The following ACTR2 variants were observed in gnomAD, a reference collection of about 807,000 sequenced individuals.
ACTR2 encodes the protein actin-related protein 2.
A neutral mutation model predicts 50.2 loss-of-function variants in ACTR2; 5 were observed. The ratio of observed to expected loss-of-function variants is 0.10; its 90% confidence interval spans 0.05 to 0.21. ACTR2 has a LOEUF of 0.21. Among genes scored for constraint, ACTR2 ranks in the 10% least tolerant of loss-of-function variants. The probability of loss-of-function intolerance (pLI) is 1.00; values close to 1 mark genes in which losing one functional copy is unlikely to be tolerated. For missense variants in ACTR2, 180 were observed against 480.6 expected (o/e 0.37, Z 5.85); for synonymous variants, 140 against 162.9 (o/e 0.86, Z 1.07).
chr2:65,256,876 A>T (rs899460005), intron 6 of ACTR2, among the ~76,000 whole-genome samples: 6 of 5,416 alleles, frequency 1.1e-3, no homozygotes, highest in African/African-American at 3.4e-3. Flanking sequence ...CATGTCGGTA[A>T]AAAAAAAAAA....
Position 65,258,996 on chromosome 2 carries a change from G to GT in ACTR2, c.736-2248dup, listed in dbSNP as rs1397533286. On this transcript the variant is annotated intron_variant, in intron 6 of 8. Transcript: ENST00000260641. ...TTTTTTCTTTCTGTTTTGAGACAGG[G>GT]TTTCCTCACTCTGTTGCTCAGGCTG... Among the ~76,000 whole-genome samples, 3 of 151,868 alleles carry GT rather than the reference G, an allele frequency of 2.0e-5. No individual in the cohort carries two copies. The East Asian group carries it at 5.8e-4, about 29-fold the overall frequency.
At chr2:65,261,137 G>C in intron 6 of ACTR2, 110 bp from the exon 7 acceptor site, 1 of 1,013,514 alleles carries the variant, frequency 9.9e-7, no homozygotes, top group Non-Finnish European at 1.4e-6. Flanking sequence ...ATTGTTGTTG[G>C]TAATGATTTT....
At chr2:65,260,007 A>G (rs1216413748) in intron 6 of ACTR2, among the ~76,000 whole-genome samples, 1 of 152,234 alleles carries the variant, frequency 6.6e-6, no homozygotes, top group Non-Finnish European at 1.5e-5. Context: ...AATTATATTT[A>G]TCAGTTACTT....
At chr2:65,268,044 A>G (rs983360270) in intron 8 of ACTR2, among the ~76,000 whole-genome samples, 5 of 151,548 alleles carry the variant, frequency 3.3e-5, no homozygotes, top group Admixed American at 2.6e-4. Flanking sequence ...TCACTGTGTT[A>G]GCCAGGATGG....
chr2:65,228,885 C>T (rs375181395), intron 1 of ACTR2, among the ~76,000 whole-genome samples: 1 of 152,108 alleles, frequency 6.6e-6, no homozygotes, highest in African/African-American at 2.4e-5. Flanking sequence ...TCGAGACCAG[C>T]CCAGCCAACG....
At chr2:65,231,987 G>A (rs1192623379) in intron 1 of ACTR2, among the ~76,000 whole-genome samples, 1 of 152,246 alleles carries the variant, frequency 6.6e-6, no homozygotes, top group African/African-American at 2.4e-5. Context: ...CATGACCAAT[G>A]TTGGTCCCGC....
In ACTR2 at chr2:65,227,846, GA is replaced by G; in HGVS notation, c.-60del. 6.8e-7 allele frequency: 1 copy of G among 1,472,276 alleles called. No homozygotes were observed. The highest frequency in any genetic ancestry group is 9.0e-7 in the Non-Finnish European group (1 of 1,108,658). The allele number at this position is 1,472,276 out of a possible 1,614,324, so 91.2% of individuals were successfully genotyped here. The stretch of plus-strand genomic sequence containing the variant: ...CCGGGAAGACGCAAGAGGAAGAAGA[GA>G]AAACGGCCGGGCGGCGGTGGCTGTA... On this transcript the variant is annotated 5_prime_UTR_variant, in exon 1 of 9. Transcript: ENST00000260641.
intron 8 of ACTR2, among the ~76,000 whole-genome samples, chr2:65,268,302 A>G (rs1672423481): frequency 6.6e-6 from 1 of 152,122 alleles, no homozygotes; most frequent in Non-Finnish European, 1.5e-5. Flanking sequence ...CAAGAATGGA[A>G]AGGGTGGTAT....
intron 7 of ACTR2, among the ~76,000 whole-genome samples, chr2:65,263,003 C>A (rs1033109621): frequency 4.9e-5 from 7 of 143,032 alleles, no homozygotes; most frequent in East Asian, 2.2e-4. Context: ...AAAAAAAAAA[C>A]ATATATATAT....
rs897734106 is a variant in ACTR2, at chr2:65,255,705, C to T, written c.735+11C>T. On this transcript the variant is annotated intron_variant, in intron 6 of 8. Transcript: ENST00000260641. ...GTTGAATCTTATACAGTAAGTGTTTCCAGTGTATAATATATATGTGTTTTA... is the reference window on the plus strand; with the variant it reads ...GTTGAATCTTATACAGTAAGTGTTTTCAGTGTATAATATATATGTGTTTTA... The T allele has an allele frequency of 3.7e-6, 6 of 1,609,806 alleles. No homozygotes were observed. The South Asian group carries it at 6.6e-5, about 18-fold the overall frequency.
In ACTR2 at chr2:65,253,784, G is replaced by A. The variant is rs1672097825; in HGVS notation, c.505G>A (p.Val169Ile). 1 of 1,613,838 alleles carries A rather than the reference G, an allele frequency of 6.2e-7. No individual in the cohort carries two copies. Among genetic ancestry groups the A allele is most frequent in the Non-Finnish European group, 8.5e-7 (1 of 1,179,824 alleles). The change falls in exon 5 of 9, where the codon GTA (valine) becomes ATA (isoleucine). Residue 169 changes from valine (V) to isoleucine (I), a missense_variant. By Grantham distance (29) the Val-to-Ile change is conservative. Transcript: ENST00000260641. Reference protein sequence around the residue: ...SGDGVTHICPVYEGFSLPHLT... With the variant: ...SGDGVTHICPIYEGFSLPHLT... ...AGATGGTGTGACTCACATTTGCCCA[G>A]TATATGAAGGCTTTTCTCTCCCTCA... is the stretch of plus-strand genomic sequence containing the variant.
At chr2:65,252,701 G>T (rs912828204) in intron 4 of ACTR2, among the ~76,000 whole-genome samples, 1 of 152,126 alleles carries the variant, frequency 6.6e-6, no homozygotes, top group Non-Finnish European at 1.5e-5. Flanking sequence ...AGGTATGGTG[G>T]CTCATGGCTG....
In ACTR2 at chr2:65,261,335, G is replaced by A; in HGVS notation, c.824G>A (p.Gly275Glu). The change falls in exon 7 of 9, where the codon GGA becomes GAA. Residue 275 changes from glycine to glutamate, a missense_variant. Transcript: ENST00000260641. ...CAGCCTCACTTGATCAATGTTGAAGGAGTTGGTGTTGCTGAATTGCTTTTT... is the reference window on the plus strand; with the variant it reads ...CAGCCTCACTTGATCAATGTTGAAGAAGTTGGTGTTGCTGAATTGCTTTTT... ...LFQPHLINVE[G>E]VGVAELLFNT... 6.2e-7 allele frequency: 1 copy of A among 1,614,080 alleles called. No homozygotes were observed. Among genetic ancestry groups the A allele is most frequent in the Non-Finnish European group, 8.5e-7 (1 of 1,179,996 alleles).
At chr2:65,250,646 T>A (rs1484664157) in intron 3 of ACTR2, among the ~76,000 whole-genome samples, 1 of 141,568 alleles carries the variant, frequency 7.1e-6, no homozygotes, top group Non-Finnish European at 1.5e-5. Context: ...GCACTCCAGC[T>A]TGGGCAACAG....
intron 1 of ACTR2, among the ~76,000 whole-genome samples, chr2:65,238,774 C>T (rs1217884392): frequency 1.3e-5 from 2 of 151,850 alleles, no homozygotes; most frequent in African/African-American, 4.8e-5. Context: ...TCGAAACCAG[C>T]ATGGCCAACA....
chr2:65,235,070 G>C (rs1671714340), intron 1 of ACTR2, among the ~76,000 whole-genome samples: 2 of 152,122 alleles, frequency 1.3e-5, no homozygotes, highest in African/African-American at 2.4e-5. Flanking sequence ...GGATAATGAT[G>C]AGAACAGATT....
intron 2 of ACTR2, chr2:65,242,716 A>G (rs567945124): frequency 1.3e-5 from 6 of 475,396 alleles, no homozygotes; most frequent in South Asian, 4.7e-5. Context: ...CTTTATAACT[A>G]TAAGCTTGCT....
At position 65,263,882 on chromosome 2, in the gene ACTR2, C is replaced by T. The variant is rs575933904; in HGVS notation, c.882-1161C>T. The stretch of plus-strand genomic sequence containing the variant: ...CAGTCTGGCCAAAATGGTGAAACCC[C>T]GTCTCTACTAAAAATACAAAAAATT... On this transcript the variant is annotated intron_variant, in intron 7 of 8. Transcript: ENST00000260641. Among the ~76,000 whole-genome samples the T allele has an allele frequency of 1.7e-3, 262 of 152,138 alleles. 1 individual carries two copies. Among genetic ancestry groups the T allele is most frequent in the African/African-American group, 6.0e-3 (248 of 41,502 alleles).
At chr2:65,248,537 T>TTG (rs1295062818) in intron 3 of ACTR2, among the ~76,000 whole-genome samples, 3 of 152,066 alleles carry the variant, frequency 2.0e-5, no homozygotes, top group Non-Finnish European at 4.4e-5. Context: ...GTTGGAGACT[T>TTG]TTTCAGTCAT....
Sources: gnomAD v4.1 joint callset for allele counts (sites outside exome capture counted in the v4.1 genomes callset) on GRCh38, gnomAD v4.1.1 for gene constraint, MANE v1.5 for transcripts, NCBI Gene and HGNC (gene_info 2026-07-23, HGNC 2026-07-21) for gene names.